Variants in DOCK10 observed in about 807,000 individuals in gnomAD.
DOCK10 encodes dedicator of cytokinesis 10.
Under a neutral mutation model 280.1 loss-of-function variants are expected in DOCK10, and 145 were observed. The observed-to-expected ratio is 0.52, with a 90% confidence interval of 0.45 to 0.59. DOCK10 has a LOEUF of 0.59. DOCK10 is among the 20% of genes least tolerant of loss of function. The pLI is 0.00. For missense variants in DOCK10, 2,368 were observed against 2,651.7 expected, an observed-to-expected ratio of 0.89 and a Z score of 2.35; for synonymous variants, 915 against 942.2, an observed-to-expected ratio of 0.97 and a Z score of 0.53.
chr2:224,801,838 T>A (rs1188967065), intron 40 of DOCK10, 78 bp downstream of exon 40: 8 of 1,452,516 alleles, frequency 5.5e-6, no homozygotes, highest in Non-Finnish European at 7.6e-6. Context: ...AAACTGTGGT[T>A]TTAGTGCATT....
chr2:224,940,851 C>A (rs1234560969), intron 1 of DOCK10, among the ~76,000 whole-genome samples: 1 of 152,142 alleles, frequency 6.6e-6, no homozygotes, highest in Non-Finnish European at 1.5e-5. Flanking sequence ...TCAGACACAC[C>A]TAAGCTAGCA....
intron 3 of DOCK10, among the ~76,000 whole-genome samples, chr2:224,905,551 T>C (rs975546604): frequency 6.6e-6 from 1 of 152,154 alleles, no homozygotes; most frequent in African/African-American, 2.4e-5. Context: ...GCCCGGCCTA[T>C]GGAACTATTT....
intron 1 of DOCK10, among the ~76,000 whole-genome samples, chr2:224,953,374 GA>G (rs1251374015): frequency 6.6e-6 from 1 of 152,144 alleles, no homozygotes; most frequent in Non-Finnish European, 1.5e-5. Flanking sequence ...TCTGTCATAG[GA>G]AAAACAAGAC....
chr2:224,935,836 T>G lies in DOCK10; in HGVS notation c.124-4168A>C, dbSNP rs183847752. Among the ~76,000 whole-genome samples, 749 of 152,272 alleles carry G rather than the reference T, an allele frequency of 4.9e-3. 5 individuals are homozygous for G. Among genetic ancestry groups the G allele is most frequent in the Non-Finnish European group, 8.0e-3 (544 of 68,008 alleles). On this transcript the variant is annotated intron_variant, in intron 1 of 55. Transcript: ENST00000258390. ...ATAACTATTTGTTAAATAAATAAAT[T>G]TATATTATTTCATCCAGATCCAAGA...
At chr2:224,795,731 C>T (rs1692521246) in intron 44 of DOCK10, among the ~76,000 whole-genome samples, 1 of 152,110 alleles carries the variant, frequency 6.6e-6, no homozygotes, top group Admixed American at 6.6e-5. Context: ...TATTTTAATC[C>T]CTGGGTCCAG....
In DOCK10 at chr2:224,834,279, A is replaced by G; in HGVS notation, c.2851-16T>C. The G allele has an allele frequency of 1.5e-6, 2 of 1,336,586 alleles. No homozygotes were observed. Among genetic ancestry groups the G allele is most frequent in the East Asian group, 4.6e-5 (2 of 43,582 alleles). The allele number at this position is 1,336,586 out of a possible 1,614,324, so 82.8% of individuals were successfully genotyped here. ...TGAACACGAACTGAAGAAAATCCAA[A>G]AAGTGAATAAAGTTAAATACTTTGA... On this transcript the variant is annotated splice_polypyrimidine_tract_variant and intron_variant, in intron 25 of 55. Coordinates refer to ENST00000258390, the MANE Select transcript of DOCK10 (RefSeq NM_014689.3).
intron 1 of DOCK10, among the ~76,000 whole-genome samples, chr2:225,031,459 G>A (rs912130804): frequency 3.2e-4 from 48 of 152,316 alleles, no homozygotes; most frequent in African/African-American, 7.9e-4. Flanking sequence ...GCACAGGGCC[G>A]AAGGACGAAT....
chr2:225,000,522 C>G (rs1706403450), intron 1 of DOCK10, among the ~76,000 whole-genome samples: 1 of 152,192 alleles, frequency 6.6e-6, no homozygotes, highest in Non-Finnish European at 1.5e-5. Flanking sequence ...GGTGCCAATC[C>G]TGTGAGAAGG....
At chr2:224,788,274 C>T (rs1316706955) in intron 48 of DOCK10, among the ~76,000 whole-genome samples, 1 of 152,032 alleles carries the variant, frequency 6.6e-6, no homozygotes, top group African/African-American at 2.4e-5. Flanking sequence ...CAATTCCTTT[C>T]ATATACTAGT....
At chr2:224,797,355 T>C (rs114636378) in intron 42 of DOCK10, among the ~76,000 whole-genome samples, 1,807 of 152,114 alleles carry the variant, frequency 0.012, 25 homozygotes, top group African/African-American at 0.041. Flanking sequence ...AATTATTCTC[T>C]ACATTGTATA....
chr2:224,937,483 T>C (rs769899250), intron 1 of DOCK10, among the ~76,000 whole-genome samples: 1 of 152,164 alleles, frequency 6.6e-6, no homozygotes, highest in African/African-American at 2.4e-5. Context: ...CCAGGAACTG[T>C]CCTATATGCT....
Position 224,934,103 on chromosome 2 carries a change from T to G in DOCK10, c.124-2435A>C, listed in dbSNP as rs986048420. On this transcript the variant is annotated intron_variant, in intron 1 of 55. Transcript: ENST00000258390. ...ATACCCAAATAATGGTCCCTGGTAG[T>G]TCGCCGTGATCGTATAGTGGTTAGT... 2.0e-5 allele frequency among the ~76,000 whole-genome samples: 3 copies of G among 152,182 alleles called. No homozygotes were observed. The East Asian group carries it at 5.8e-4, about 29-fold the overall frequency.
chr2:224,931,427 G>T, intron 2 of DOCK10, 122 bp downstream of exon 2: 2 of 1,119,092 alleles, frequency 1.8e-6, no homozygotes, highest in Non-Finnish European at 1.2e-6. Flanking sequence ...AACTCCTGCT[G>T]CAGAGACTGA....
chr2:224,938,138 T>A (rs1702796884), intron 1 of DOCK10, among the ~76,000 whole-genome samples: 1 of 152,178 alleles, frequency 6.6e-6, no homozygotes, highest in South Asian at 2.1e-4. Flanking sequence ...CCTAGTCTTT[T>A]CAAGAAACAT....
chr2:224,953,624 C>T (rs569732815), intron 1 of DOCK10, among the ~76,000 whole-genome samples: 13 of 152,276 alleles, frequency 8.5e-5, no homozygotes, highest in African/African-American at 2.9e-4. Context: ...TAAATGAACA[C>T]GACAAAACCT....
At chr2:224,918,112 T>C (rs1486333434) in intron 2 of DOCK10, among the ~76,000 whole-genome samples, 1 of 152,192 alleles carries the variant, frequency 6.6e-6, no homozygotes, top group Non-Finnish European at 1.5e-5. Flanking sequence ...AAGGGCGGCG[T>C]CCTTCCCATC....
intron 2 of DOCK10, among the ~76,000 whole-genome samples, chr2:224,926,329 T>C (rs1336317069): frequency 6.6e-6 from 1 of 152,228 alleles, no homozygotes; most frequent in Non-Finnish European, 1.5e-5. Flanking sequence ...TGTTGGGTAC[T>C]TGAAGTACAG....
Position 224,807,656 on chromosome 2 carries a change from G to A in DOCK10, c.3702+12C>T. The stretch of plus-strand genomic sequence containing the variant: ...TATTAACATAGAAATGTGACATATT[G>A]TGCAAACGTACCTGATTAGATGTAT... On this transcript the variant is annotated intron_variant, in intron 33 of 55. Transcript: ENST00000258390. 2 of 1,460,922 alleles carry A rather than the reference G, an allele frequency of 1.4e-6. No homozygotes were observed. Among genetic ancestry groups the A allele is most frequent in the Non-Finnish European group, 1.9e-6 (2 of 1,072,602 alleles). 90.5% of individuals were successfully genotyped at this position (1,460,922 alleles called of 1,614,324 possible).
chr2:224,799,802 G>T (rs1393642321), intron 41 of DOCK10, among the ~76,000 whole-genome samples: 1 of 152,138 alleles, frequency 6.6e-6, no homozygotes, highest in Middle Eastern at 3.2e-3. Context: ...TTTAGATCTA[G>T]TTGTAAATTT....
Sources: allele counts gnomAD v4.1 joint callset (sites outside exome capture counted in the v4.1 genomes callset), GRCh38; gene constraint gnomAD v4.1.1; transcripts MANE v1.5; gene names NCBI Gene and HGNC (gene_info 2026-07-23, HGNC 2026-07-21).